Variants in FRMPD4 observed in about 807,000 individuals in gnomAD.
The protein encoded by FRMPD4 is FERM and PDZ domain containing 4, also known as FERM and PDZ domain-containing protein 4.
In FRMPD4, 22 loss-of-function variants were observed where a neutral mutation model predicts 94.1. That is an observed-to-expected ratio of 0.23 (90% confidence interval 0.17 to 0.33). The LOEUF (loss-of-function observed/expected upper bound fraction) is 0.33. Among genes scored for constraint, FRMPD4 ranks in the 10% least tolerant of loss-of-function variants. FRMPD4 has a pLI of 1.00. For synonymous variants in FRMPD4, 631 were observed against 548.6 expected (o/e 1.15, Z -2.10); for missense variants, 1,111 against 1,339.9 (o/e 0.83, Z 2.67).
intron 3 of FRMPD4, among the ~76,000 whole-genome samples, chrX:12,061,935 T>C (rs772269217): frequency 8.9e-6 from 1 of 111,936 alleles, no homozygotes; most frequent in Non-Finnish European, 1.9e-5. Flanking sequence ...AATGTTCTTA[T>C]GCTTAGCAAG....
chrX:12,326,230 A>G (rs1298705239), intron 1 of FRMPD4, among the ~76,000 whole-genome samples: 1 of 111,738 alleles, frequency 8.9e-6, no homozygotes, highest in African/African-American at 3.3e-5. Context: ...GCTTGTTGAC[A>G]TTCTTCAAAT....
chrX:11,826,884 A>G (rs956546536), intron 1 of FRMPD4, among the ~76,000 whole-genome samples: 2 of 109,392 alleles, frequency 1.8e-5, no homozygotes, highest in Non-Finnish European at 3.8e-5. Context: ...AGTGTATTAC[A>G]AAATGCAAGC....
intron 9 of FRMPD4, among the ~76,000 whole-genome samples, chrX:12,698,566 A>G (rs1044185001): frequency 2.7e-5 from 3 of 110,773 alleles, no homozygotes; most frequent in Non-Finnish European, 5.7e-5. Flanking sequence ...GTATAACTGT[A>G]TTTTAAGTAA....
At chrX:12,229,624 C>T (rs959297519) in intron 1 of FRMPD4, among the ~76,000 whole-genome samples, 5 of 111,754 alleles carry the variant, frequency 4.5e-5, no homozygotes, top group African/African-American at 1.6e-4. Context: ...TTTTCCATTA[C>T]TCTTTTCCTT....
intron 1 of FRMPD4, among the ~76,000 whole-genome samples, chrX:12,264,359 C>A (rs974819252): frequency 9.0e-5 from 10 of 111,364 alleles, no homozygotes; most frequent in African/African-American, 3.3e-4. Context: ...TGGCAAAGTT[C>A]CATAGGTAGT....
chrX:12,071,602 A>G (rs566459757), intron 3 of FRMPD4, among the ~76,000 whole-genome samples: 1 of 111,901 alleles, frequency 8.9e-6, no homozygotes, highest in Middle Eastern at 4.6e-3. Flanking sequence ...TAATGCTGAT[A>G]ATGAAATCCA....
intron 2 of FRMPD4, among the ~76,000 whole-genome samples, chrX:12,551,425 C>T (rs1025853571): frequency 4.5e-5 from 5 of 110,559 alleles, no homozygotes; most frequent in Non-Finnish European, 7.6e-5. Flanking sequence ...CTTAATACTA[C>T]GAAATTTCCT....
intron 3 of FRMPD4, among the ~76,000 whole-genome samples, chrX:11,893,822 G>A (rs2053887924): frequency 9.0e-6 from 1 of 111,275 alleles, no homozygotes; most frequent in South Asian, 3.8e-4. Context: ...GCTAAAAGGG[G>A]CAGTCCCTAG....
chrX:11,885,332 T>C (rs1005444016), intron 3 of FRMPD4, among the ~76,000 whole-genome samples: 8 of 110,822 alleles, frequency 7.2e-5, no homozygotes, highest in Non-Finnish European at 3.8e-5. Flanking sequence ...TTATATGAGG[T>C]ATCTAGAGTA....
chrX:12,122,279 C>T (rs890445982), intron 3 of FRMPD4, among the ~76,000 whole-genome samples: 6 of 111,909 alleles, frequency 5.4e-5, no homozygotes, highest in East Asian at 2.8e-4. Flanking sequence ...CTAAAATTTA[C>T]GAAAGATGAA....
chrX:11,906,357 C>T (rs1389508903), intron 3 of FRMPD4, among the ~76,000 whole-genome samples: 1 of 109,947 alleles, frequency 9.1e-6, no homozygotes, highest in African/African-American at 3.3e-5. Context: ...CCGTGTTAGC[C>T]AGGATGGTCT....
chrX:11,856,966 A>T (rs1368826956), intron 1 of FRMPD4, among the ~76,000 whole-genome samples: 1 of 111,613 alleles, frequency 9.0e-6, no homozygotes, highest in Non-Finnish European at 1.9e-5. Flanking sequence ...AAATACCACA[A>T]AAATAATAAA....
intron 1 of FRMPD4, among the ~76,000 whole-genome samples, chrX:12,476,789 G>A (rs1601997236): frequency 9.0e-6 from 1 of 111,469 alleles, no homozygotes; most frequent in South Asian, 3.8e-4. Context: ...CAGTTAGAAT[G>A]GTGATCATTA....
chrX:12,210,197 G>T (rs1001781020), intron 1 of FRMPD4, among the ~76,000 whole-genome samples: 6 of 112,199 alleles, frequency 5.3e-5, no homozygotes, highest in Non-Finnish European at 1.1e-4. Flanking sequence ...AAAGAAAGAT[G>T]ATCTGAAGCC....
intron 1 of FRMPD4, among the ~76,000 whole-genome samples, chrX:12,258,133 C>T (rs898365224): frequency 1.2e-4 from 13 of 110,475 alleles, no homozygotes; most frequent in Non-Finnish European, 1.3e-4. Flanking sequence ...GTATATATTC[C>T]GAATTTGCTT....
chrX:12,030,733 G>T (rs895885364), intron 3 of FRMPD4, among the ~76,000 whole-genome samples: 1 of 111,750 alleles, frequency 8.9e-6, no homozygotes, highest in Non-Finnish European at 1.9e-5. Flanking sequence ...CAAGTTGGAG[G>T]TAGCCATCTA....
intron 1 of FRMPD4, among the ~76,000 whole-genome samples, chrX:12,249,327 G>A (rs1324106611): frequency 8.9e-6 from 1 of 111,765 alleles, no homozygotes; most frequent in Non-Finnish European, 1.9e-5. Context: ...TTTTGTGAAA[G>A]CCACAGGTCT....
chrX:12,012,373 C>G (rs750327083), intron 3 of FRMPD4, among the ~76,000 whole-genome samples: 1 of 111,845 alleles, frequency 8.9e-6, no homozygotes, highest in Admixed American at 9.4e-5. Context: ...TTGTAGACAT[C>G]CTTTACCAGG....
chrX:12,027,612 CA>C (rs200852817), intron 3 of FRMPD4, among the ~76,000 whole-genome samples: 86 of 105,709 alleles, frequency 8.1e-4, no homozygotes, highest in Middle Eastern at 9.8e-3. Context: ...AGTCCTGATG[CA>C]AAAAAAAAAT....
Sources: gnomAD v4.1 joint callset for allele counts (sites outside exome capture counted in the v4.1 genomes callset) on GRCh38, gnomAD v4.1.1 for gene constraint, MANE v1.5 for transcripts, NCBI Gene and HGNC (gene_info 2026-07-23, HGNC 2026-07-21) for gene names.